The following MRPS9 variants were observed in gnomAD, a reference collection of about 807,000 sequenced individuals.
MRPS9 encodes mitochondrial ribosomal protein S9, also known as small ribosomal subunit protein uS9m.
A neutral mutation model predicts 59.9 loss-of-function variants in MRPS9; 45 were observed. The observed-to-expected ratio is 0.75, with a 90% CI of 0.59 to 0.96. MRPS9 has a LOEUF of 0.96. MRPS9 is among the 40% of genes least tolerant of loss of function. MRPS9 has a pLI of 0.00. For missense variants in MRPS9, 473 were observed against 481.1 expected, an observed-to-expected ratio of 0.98 and a Z score of 0.16; for synonymous variants, 171 against 166.8, an observed-to-expected ratio of 1.03 and a Z score of -0.19.
chr2:105,060,215 C>T (rs1679872083), intron 2 of MRPS9, among the ~76,000 whole-genome samples: 1 of 152,092 alleles, frequency 6.6e-6, no homozygotes, highest in Admixed American at 6.5e-5. Flanking sequence ...TTGAAATACC[C>T]TCCTTAGTGT....
intron 5 of MRPS9, among the ~76,000 whole-genome samples, chr2:105,081,588 A>T (rs1364748154): frequency 6.6e-6 from 1 of 152,196 alleles, no homozygotes; most frequent in East Asian, 1.9e-4. Context: ...ATTCCATCAT[A>T]ATGAGGAAAT....
rs1489988580 is a variant in MRPS9 at position 105,080,078 on chromosome 2, T to G, written c.489+16T>G. ...ATTAATGCATGTAAGTATATTGCATTTATGATAAATAATATGAGCTGTAAG... is the reference window on the plus strand; with the variant it reads ...ATTAATGCATGTAAGTATATTGCATGTATGATAAATAATATGAGCTGTAAG... On this transcript the variant is annotated intron_variant, in intron 5 of 10. Coordinates refer to ENST00000258455, the MANE Select transcript of MRPS9 (RefSeq NM_182640.3). The G allele has an allele frequency of 3.3e-6, 5 of 1,533,088 alleles. No individual in the cohort carries two copies. In the South Asian group the frequency reaches 5.8e-5, roughly 18 times the overall value. 95.0% of individuals were successfully genotyped at this position (1,533,088 alleles called of 1,614,324 possible).
At chr2:105,068,397 C>T (rs137948558) in intron 2 of MRPS9, among the ~76,000 whole-genome samples, 1 of 152,056 alleles carries the variant, frequency 6.6e-6, no homozygotes, top group South Asian at 2.1e-4. Flanking sequence ...ATTATAGTAT[C>T]AGTGTTATGA....
At chr2:105,077,311 A>G (rs971551320) in intron 4 of MRPS9, among the ~76,000 whole-genome samples, 2 of 152,172 alleles carry the variant, frequency 1.3e-5, no homozygotes, top group East Asian at 1.9e-4. Context: ...AATTATCACA[A>G]TCATCAGGTT....
rs1680576761 is a variant in MRPS9 at position 105,092,430 on chromosome 2, G to A, written c.681G>A (p.Lys227=). ...DYMQFIRLLE[K]LLTSQCGAAE... ...TGCAGTTCATTCGGCTGCTAGAAAA[G>A]TTATTGACATCGCAGTGTGGTGCTG... Residue 227 remains lysine, a synonymous_variant, in exon 8 of 11, where the codon AAG becomes AAA. Coordinates refer to ENST00000258455, the MANE Select transcript of MRPS9 (RefSeq NM_182640.3). 6.2e-7 allele frequency: 1 copy of A among 1,613,018 alleles called. No individual in the cohort carries two copies. Among genetic ancestry groups the A allele is most frequent in the Non-Finnish European group, 8.5e-7 (1 of 1,179,728 alleles).
intron 2 of MRPS9, among the ~76,000 whole-genome samples, chr2:105,051,727 G>T (rs1679714482): frequency 6.6e-6 from 1 of 152,042 alleles, no homozygotes; most frequent in Non-Finnish European, 1.5e-5. Flanking sequence ...GTGATGTTTT[G>T]TAGTTTTCAG....
chr2:105,089,567 T>C (rs191817605), intron 6 of MRPS9, among the ~76,000 whole-genome samples: 97 of 152,340 alleles, frequency 6.4e-4, no homozygotes, highest in Non-Finnish European at 1.2e-3. Flanking sequence ...TAGTTGACCT[T>C]GCTACCACAT....
chr2:105,063,608 C>T lies in MRPS9; in HGVS notation c.316-7705C>T, dbSNP rs767278413. ...TTTTAAAGTAAAATACAATTGCAAACATCATGATGCTTCACTCTTAAATAC... is the reference window on the plus strand; with the variant it reads ...TTTTAAAGTAAAATACAATTGCAAATATCATGATGCTTCACTCTTAAATAC... On this transcript the variant is annotated intron_variant, in intron 2 of 10. Coordinates refer to ENST00000258455, the MANE Select transcript of MRPS9 (RefSeq NM_182640.3). 8.9e-4 allele frequency among the ~76,000 whole-genome samples: 135 copies of T among 152,168 alleles called. 2 individuals carry two copies. Among genetic ancestry groups the T allele is most frequent in the Admixed American group, 5.2e-4 (8 of 15,268 alleles).
At chr2:105,082,162 G>A (rs1459885955) in intron 5 of MRPS9, among the ~76,000 whole-genome samples, 6 of 152,198 alleles carry the variant, frequency 3.9e-5, no homozygotes, top group Admixed American at 6.5e-5. Flanking sequence ...ACTGCAGCAC[G>A]GGAGGTCGCC....
At chr2:105,088,457 A>G (rs974489744) in intron 5 of MRPS9, among the ~76,000 whole-genome samples, 2 of 152,144 alleles carry the variant, frequency 1.3e-5, no homozygotes, top group African/African-American at 4.8e-5. Context: ...GAGGAAATCA[A>G]ATAAAAAATA....
intron 10 of MRPS9, among the ~76,000 whole-genome samples, chr2:105,097,721 T>C (rs1441011255): frequency 6.6e-6 from 1 of 152,202 alleles, no homozygotes; most frequent in South Asian, 2.1e-4. Context: ...TTTTGTTTTT[T>C]AAACAGTCTC....
chr2:105,038,141 C>T lies in MRPS9; in HGVS notation c.49C>T (p.Leu17Phe), dbSNP rs765094516. Residue 17 changes from leucine (L) to phenylalanine (F), a missense_variant, in exon 1 of 11, where the codon CTT (leucine) becomes TTT (phenylalanine). By Grantham distance (22) the Leu-to-Phe change is conservative. Transcript: ENST00000258455. ...CGGCGGAGCAGTTTCGTACCGGCTT[C>T]TTCTCTGGGGTAGGGGTAGCCTCGC... ...SYGGAVSYRLLLWGRGSLARK... is the reference protein window; with the variant it reads ...SYGGAVSYRLFLWGRGSLARK... The T allele has an allele frequency of 1.9e-6, 3 of 1,613,870 alleles. No homozygotes were observed. The highest frequency in any genetic ancestry group is 2.5e-6 in the Non-Finnish European group (3 of 1,179,970).
chr2:105,059,395 A>G (rs17686181), intron 2 of MRPS9, among the ~76,000 whole-genome samples: 33,555 of 152,016 alleles, frequency 0.22, 3,777 homozygotes, highest in Middle Eastern at 0.35. Flanking sequence ...TTGAATACTA[A>G]TGTGTTTACT....
intron 2 of MRPS9, among the ~76,000 whole-genome samples, chr2:105,064,912 A>G (rs1165735517): frequency 6.6e-6 from 1 of 152,218 alleles, no homozygotes; most frequent in Non-Finnish European, 1.5e-5. Context: ...AAAAGAGTAG[A>G]TGACCACTCT....
intron 10 of MRPS9, among the ~76,000 whole-genome samples, chr2:105,098,940 T>C (rs1680730915): frequency 6.6e-6 from 1 of 152,198 alleles, no homozygotes; most frequent in Non-Finnish European, 1.5e-5. Flanking sequence ...GGGCTCTTCC[T>C]TATGGGCCAT....
chr2:105,089,899 A>C, intron 6 of MRPS9, 21 bp from the exon 7 acceptor site: 1 of 1,542,016 alleles, frequency 6.5e-7, no homozygotes, highest in Non-Finnish European at 8.9e-7. Flanking sequence ...TAAAAAGAGA[A>C]TATATGTGAT....
intron 5 of MRPS9, among the ~76,000 whole-genome samples, chr2:105,088,277 T>C (rs142512686): frequency 3.9e-5 from 6 of 152,332 alleles, no homozygotes; most frequent in African/African-American, 1.2e-4. Flanking sequence ...GCAAAAGCTG[T>C]ACTATTTTGC....
chr2:105,070,490 T>G (rs1029545058), intron 2 of MRPS9, among the ~76,000 whole-genome samples: 3 of 152,032 alleles, frequency 2.0e-5, no homozygotes, highest in African/African-American at 7.2e-5. Flanking sequence ...TGAGCAGAAG[T>G]GTATTTAAAT....
chr2:105,074,229 G>A (rs552768708), intron 4 of MRPS9, among the ~76,000 whole-genome samples: 2 of 152,110 alleles, frequency 1.3e-5, no homozygotes, highest in African/African-American at 2.4e-5. Flanking sequence ...CTAAATTTTC[G>A]GTTCAGGAAG....
Sources: gnomAD v4.1 joint callset for allele counts (sites outside exome capture counted in the v4.1 genomes callset) on GRCh38, gnomAD v4.1.1 for gene constraint, MANE v1.5 for transcripts, NCBI Gene and HGNC (gene_info 2026-07-23, HGNC 2026-07-21) for gene names.